The following BORCS5 variants were observed in gnomAD, a reference collection of about 807,000 sequenced individuals.
BORCS5 encodes the protein BLOC-1-related complex subunit 5.
In BORCS5, 17 loss-of-function variants were observed where a neutral mutation model predicts 22.1. That is an observed-to-expected ratio of 0.77 (90% CI 0.53 to 1.15). The LOEUF is 1.15. Ranked by LOEUF, BORCS5 falls within the 50% of genes most tolerant of loss-of-function variation. BORCS5 has a pLI of 0.00. For synonymous variants in BORCS5, 117 were observed against 99.8 expected (o/e 1.17, Z -1.03); for missense variants, 247 against 253.2 (o/e 0.98, Z 0.17).
In BORCS5 at chr12:12,427,073, G is replaced by A. The variant is rs149890027; in HGVS notation, c.203-8555G>A. 2.9e-3 allele frequency among the ~76,000 whole-genome samples: 446 copies of A among 151,842 alleles called. 2 individuals are homozygous for A. The highest frequency in any genetic ancestry group is 0.01 in the African/African-American group (423 of 41,394). ...GTTCTGAAGGAATCAGCCTTAGAAA[G>A]CACACTTTTTCTAAGTATCCCGAAG... On this transcript the variant is annotated intron_variant, in intron 2 of 3. Transcript: ENST00000314565.
chr12:12,386,913 G>C (rs925547557), intron 2 of BORCS5, among the ~76,000 whole-genome samples: 1 of 150,364 alleles, frequency 6.7e-6, no homozygotes, highest in Non-Finnish European at 1.5e-5. Flanking sequence ...TTTTTTTCTA[G>C]AGTGCAGTGG....
intron 2 of BORCS5, among the ~76,000 whole-genome samples, chr12:12,405,709 TAATG>T (rs890883590): frequency 6.6e-6 from 1 of 152,240 alleles, no homozygotes. Flanking sequence ...TAAATTATAA[TAATG>T]TTGTTTATTG....
At chr12:12,438,220 G>T (rs1172484090) in intron 3 of BORCS5, among the ~76,000 whole-genome samples, 2 of 151,860 alleles carry the variant, frequency 1.3e-5, no homozygotes, top group African/African-American at 4.8e-5. Context: ...AATTAGCCAG[G>T]TGTGATGGTG....
At chr12:12,455,113 A>T (rs1349919733) in intron 3 of BORCS5, among the ~76,000 whole-genome samples, 1 of 152,222 alleles carries the variant, frequency 6.6e-6, no homozygotes, top group African/African-American at 2.4e-5. Context: ...TTTTCCATTT[A>T]GCCTCTTTAG....
intron 3 of BORCS5, 94 bp from the exon 4 acceptor site, chr12:12,465,452 C>T (rs1943182635): frequency 9.3e-7 from 1 of 1,080,294 alleles, no homozygotes; most frequent in Non-Finnish European, 1.4e-6. Context: ...TCCACTGGAT[C>T]TGCGGGACTG....
At chr12:12,426,189 G>GA (rs1942283538) in intron 2 of BORCS5, among the ~76,000 whole-genome samples, 1 of 152,132 alleles carries the variant, frequency 6.6e-6, no homozygotes, top group South Asian at 2.1e-4. Flanking sequence ...TTCAAACAGA[G>GA]AGCAAGCCTG....
intron 3 of BORCS5, among the ~76,000 whole-genome samples, chr12:12,443,408 TC>T (rs1004900449): frequency 1.3e-5 from 2 of 152,172 alleles, no homozygotes; most frequent in Non-Finnish European, 2.9e-5. Flanking sequence ...AATTATAGTT[TC>T]CCCCCTTCTT....
chr12:12,397,526 T>C (rs1269121135), intron 2 of BORCS5, among the ~76,000 whole-genome samples: 1 of 152,216 alleles, frequency 6.6e-6, no homozygotes, highest in Non-Finnish European at 1.5e-5. Flanking sequence ...GGGAATAATA[T>C]CATTCCCACT....
rs548861890 is a variant in BORCS5 at position 12,384,140 on chromosome 12, T to C, written c.202+22791T>C. On this transcript the variant is annotated intron_variant, in intron 2 of 3. Coordinates refer to ENST00000314565, the MANE Select transcript of BORCS5 (RefSeq NM_058169.6). ...TTCTTATTTTTAAAAATTTTATGTA[T>C]GTATGTATTTGTTTGTTTGTTTTGT... is the stretch of plus-strand genomic sequence containing the variant. 3.9e-5 allele frequency among the ~76,000 whole-genome samples: 6 copies of C among 152,092 alleles called. No individual in the cohort carries two copies. In the South Asian group the frequency reaches 1.2e-3, roughly 32 times the overall value.
chr12:12,444,046 G>A (rs1188038665), intron 3 of BORCS5, among the ~76,000 whole-genome samples: 1 of 152,230 alleles, frequency 6.6e-6, no homozygotes, highest in Non-Finnish European at 1.5e-5. Flanking sequence ...TTCCAATGAA[G>A]AGAAACAAGA....
At chr12:12,361,501 CTTAA>C in intron 2 of BORCS5, 152 bp downstream of exon 2, 1 of 877,186 alleles carries the variant, frequency 1.1e-6, no homozygotes, top group South Asian at 1.9e-5. Context: ...TCTTGATTTC[CTTAA>C]TTAAAACTGC....
intron 3 of BORCS5, among the ~76,000 whole-genome samples, chr12:12,439,615 T>C (rs1942640038): frequency 6.6e-6 from 1 of 152,204 alleles, no homozygotes; most frequent in Non-Finnish European, 1.5e-5. Flanking sequence ...AGCAAGACCC[T>C]GTCTCAAAAA....
At chr12:12,377,360 A>G (rs1003045457) in intron 2 of BORCS5, among the ~76,000 whole-genome samples, 12 of 151,836 alleles carry the variant, frequency 7.9e-5, no homozygotes, top group African/African-American at 2.7e-4. Context: ...GTGTATTTTT[A>G]GTAGAGATGG....
chr12:12,398,618 T>C (rs573187786), intron 2 of BORCS5, among the ~76,000 whole-genome samples: 14 of 152,250 alleles, frequency 9.2e-5, no homozygotes, highest in Admixed American at 7.8e-4. Flanking sequence ...AATATAATGC[T>C]GCATCAAGGA....
chr12:12,414,471 T>C (rs867557995), intron 2 of BORCS5, among the ~76,000 whole-genome samples: 1,605 of 50,900 alleles, frequency 0.032, 91 homozygotes, highest in African/African-American at 0.074. Context: ...GGCGGCTGGC[T>C]GGGCAGAGGG....
intron 2 of BORCS5, among the ~76,000 whole-genome samples, chr12:12,397,087 G>T (rs7306292): frequency 0.17 from 25,221 of 151,996 alleles, 3,138 homozygotes; most frequent in African/African-American, 0.35. Flanking sequence ...CCTTGTTTTT[G>T]TTAAATAGTT....
intron 3 of BORCS5, among the ~76,000 whole-genome samples, chr12:12,445,884 TC>T (rs920166412): frequency 3.3e-5 from 5 of 150,968 alleles, no homozygotes; most frequent in African/African-American, 1.2e-4. Flanking sequence ...CCTCAAGCAG[TC>T]CTCCCACAAT....
intron 2 of BORCS5, among the ~76,000 whole-genome samples, chr12:12,391,493 C>G (rs1941182107): frequency 6.6e-6 from 1 of 151,680 alleles, no homozygotes; most frequent in Admixed American, 6.6e-5. Context: ...TCAAACCATT[C>G]TCCTGCCTCA....
At chr12:12,458,119 TTTTTG>T (rs763096548) in intron 3 of BORCS5, among the ~76,000 whole-genome samples, 34 of 152,256 alleles carry the variant, frequency 2.2e-4, no homozygotes, top group African/African-American at 7.0e-4. Context: ...TGCCTACTGT[TTTTTG>T]TTTTGTTTTG....
Sources: gnomAD v4.1 joint callset for allele counts (sites outside exome capture counted in the v4.1 genomes callset) on GRCh38, gnomAD v4.1.1 for gene constraint, MANE v1.5 for transcripts, NCBI Gene and HGNC (gene_info 2026-07-23, HGNC 2026-07-21) for gene names.